The following PLEKHA1 variants were observed in gnomAD, a reference collection of about 807,000 sequenced individuals.
PLEKHA1 encodes the protein pleckstrin homology domain containing A1.
Under a neutral mutation model 52.0 loss-of-function variants are expected in PLEKHA1, and 34 were observed. The ratio of observed to expected loss-of-function variants is 0.65; its 90% CI spans 0.50 to 0.87. The LOEUF (loss-of-function observed/expected upper bound fraction) is 0.87. PLEKHA1 is among the 40% of genes least tolerant of loss of function. PLEKHA1 has a pLI of 0.00. For missense variants in PLEKHA1, 497 were observed against 504.2 expected, an observed-to-expected ratio of 0.99 and a Z score of 0.14; for synonymous variants, 163 against 170.7, an observed-to-expected ratio of 0.95 and a Z score of 0.35.
chr10:122,431,360 T>C lies in PLEKHA1; in HGVS notation c.*1422T>C, dbSNP rs1429463888. 3 of 152,706 alleles carry C rather than the reference T, an allele frequency of 2.0e-5. No homozygotes were observed. The highest frequency in any genetic ancestry group is 2.9e-5 in the Non-Finnish European group (2 of 68,114). 9.5% of individuals were successfully genotyped at this position (152,706 alleles called of 1,614,324 possible). On this transcript the variant is annotated 3_prime_UTR_variant, in exon 12 of 12. Transcript: ENST00000368990. ...GTCTCGAACTCCTGACTTCAGGTGA[T>C]CCACCCATCTCAGCCTCCCAAAGTG...
At chr10:122,392,707 G>A (rs2096793545) in intron 1 of PLEKHA1, among the ~76,000 whole-genome samples, 1 of 152,062 alleles carries the variant, frequency 6.6e-6, no homozygotes, top group Non-Finnish European at 1.5e-5. Context: ...CCTACTCCTA[G>A]GATTGTTTAG....
intron 11 of PLEKHA1, chr10:122,428,503 G>T: frequency 8.6e-7 from 1 of 1,162,552 alleles, no homozygotes; most frequent in South Asian, 4.0e-5. Flanking sequence ...GTAGTCATCA[G>T]GTTGGATATG....
chr10:122,429,130 A>G (rs1269074079), intron 11 of PLEKHA1, among the ~76,000 whole-genome samples: 1 of 152,254 alleles, frequency 6.6e-6, no homozygotes, highest in Non-Finnish European at 1.5e-5. Context: ...ATAATGTTTG[A>G]AAGATGATTC....
intron 1 of PLEKHA1, among the ~76,000 whole-genome samples, chr10:122,389,882 A>G (rs189302860): frequency 1.0e-3 from 143 of 136,664 alleles, no homozygotes; most frequent in Middle Eastern, 3.8e-3. Flanking sequence ...CAGCAGCTAC[A>G]TTAGCCCCTA....
the PLEKHA1 span, chr10:122,437,951 GTCTTT>G: frequency 6.6e-6 from 1 of 152,354 alleles, no homozygotes; most frequent in Admixed American, 6.5e-5. Context: ...AGCAAAAGTA[GTCTTT>G]TCTTCTTAAG....
chr10:122,397,524 T>C (rs1400343317), intron 2 of PLEKHA1, among the ~76,000 whole-genome samples: 1 of 152,120 alleles, frequency 6.6e-6, no homozygotes, highest in Non-Finnish European at 1.5e-5. Flanking sequence ...GAAATTTTAA[T>C]AGAACAAAGT....
intron 4 of PLEKHA1, among the ~76,000 whole-genome samples, chr10:122,402,931 C>T (rs949899004): frequency 1.3e-5 from 2 of 152,194 alleles, no homozygotes; most frequent in Admixed American, 1.3e-4. Context: ...TCTGACTACC[C>T]TAGAGAAAAG....
intron 11 of PLEKHA1, chr10:122,428,250 A>T: frequency 6.6e-6 from 10 of 1,518,856 alleles, no homozygotes; most frequent in Non-Finnish European, 8.9e-6. Context: ...GGTTAACTCT[A>T]ATCTTAGCTT....
chr10:122,389,150 T>C (rs1312954369), intron 1 of PLEKHA1, among the ~76,000 whole-genome samples: 1 of 152,232 alleles, frequency 6.6e-6, no homozygotes, highest in Non-Finnish European at 1.5e-5. Context: ...CCCAGATCTA[T>C]CAGAGGAATC....
downstream of PLEKHA1, chr10:122,435,491 C>G (rs1374457480): frequency 1.3e-5 from 2 of 151,992 alleles, no homozygotes; most frequent in Non-Finnish European, 2.9e-5. Flanking sequence ...TTGCCTCCAT[C>G]GTAGAAAATT....
At chr10:122,426,917 TTGAA>T (rs778716594) in intron 10 of PLEKHA1, 21 bp from the exon 11 acceptor site, 13 of 1,585,226 alleles carry the variant, frequency 8.2e-6, no homozygotes, top group South Asian at 3.3e-5. Context: ...AAAAAATTGT[TTGAA>T]TGAGTTCTTT....
At chr10:122,412,855 GC>G in intron 5 of PLEKHA1, 64 bp from the exon 6 acceptor site, 1 of 1,549,740 alleles carries the variant, frequency 6.5e-7, no homozygotes, top group South Asian at 1.2e-5. Context: ...TAGAAATTCT[GC>G]GAGAAAACAG....
Position 122,412,966 on chromosome 10 carries a change from G to A in PLEKHA1, c.389G>A (p.Arg130His), listed in dbSNP as rs374805648. 5.6e-6 allele frequency: 9 copies of A among 1,613,228 alleles called. No individual in the cohort carries two copies. The highest frequency in any genetic ancestry group is 5.3e-5 in the African/African-American group (4 of 74,824). The change falls in exon 6 of 12, where the codon CGC becomes CAC. Residue 130 changes from arginine (R) to histidine (H), a missense_variant. Arg to His is a conservative substitution (Grantham distance 29, BLOSUM62 0). Coordinates refer to ENST00000368990, the MANE Select transcript of PLEKHA1 (RefSeq NM_001001974.4). ...DSQPNSDNLS[R>H]HGECGKKQVS... is the part of the protein sequence containing the mutation. ...CAGCCTAATTCTGATAACCTAAGTC[G>A]CCATGGTGAATGTGGGAAAAAGCAA... is the stretch of plus-strand genomic sequence containing the variant.
At position 122,413,447 on chromosome 10, in the gene PLEKHA1, T is replaced by C. The variant is rs560556616; in HGVS notation, c.468+402T>C. On this transcript the variant is annotated intron_variant, in intron 6 of 11. Transcript: ENST00000368990. ...TCTATTGGACAAATAGAGTTCCTTT[T>C]CCTTTTTGTTTCTTTTACTTTATAA... Among the ~76,000 whole-genome samples, 146 of 152,244 alleles carry C rather than the reference T, an allele frequency of 9.6e-4. 1 individual carries two copies. Among genetic ancestry groups the C allele is most frequent in the African/African-American group, 3.4e-3 (142 of 41,554 alleles).
At chr10:122,412,433 T>C (rs1360204579) in intron 5 of PLEKHA1, 1 of 152,956 alleles carries the variant, frequency 6.5e-6, no homozygotes, top group East Asian at 1.9e-4. Context: ...TATGCCACAA[T>C]CCCAGAATCA....
intron 1 of PLEKHA1, chr10:122,386,679 G>C (rs1213570748): frequency 6.6e-6 from 1 of 152,102 alleles, no homozygotes; most frequent in Non-Finnish European, 1.5e-5. Context: ...TTCCAGTCTT[G>C]TTTGTTGAAA....
At position 122,429,977 on chromosome 10, in the gene PLEKHA1, C is replaced by T. The variant is rs748497042; in HGVS notation, c.*39C>T. ...GGAGCCTGCCTGCCTCTGCCGTCCTCAGTTTCCTTTCATGAGGCTTCTAGC... is the reference window on the plus strand; with the variant it reads ...GGAGCCTGCCTGCCTCTGCCGTCCTTAGTTTCCTTTCATGAGGCTTCTAGC... On this transcript the variant is annotated 3_prime_UTR_variant, in exon 12 of 12. Transcript: ENST00000368990. 1.6e-5 allele frequency: 25 copies of T among 1,561,938 alleles called. No homozygotes were observed. The highest frequency in any genetic ancestry group is 2.1e-5 in the Non-Finnish European group (24 of 1,156,518).
At chr10:122,428,676 A>C (rs1178694819) in intron 11 of PLEKHA1, among the ~76,000 whole-genome samples, 2 of 152,188 alleles carry the variant, frequency 1.3e-5, no homozygotes, top group African/African-American at 4.8e-5. Context: ...TGTTCTAATA[A>C]TATATGCAAA....
chr10:122,408,482 T>G (rs1308847852), intron 5 of PLEKHA1, among the ~76,000 whole-genome samples: 1 of 152,204 alleles, frequency 6.6e-6, no homozygotes, highest in Non-Finnish European at 1.5e-5. Context: ...TTAAGATAAA[T>G]TTGTTGGTAA....
Sources: allele counts gnomAD v4.1 joint callset (sites outside exome capture counted in the v4.1 genomes callset), GRCh38; gene constraint gnomAD v4.1.1; transcripts MANE v1.5; gene names NCBI Gene and HGNC (gene_info 2026-07-23, HGNC 2026-07-21).